DNAH2: variants seen among roughly 807,000 people sequenced by gnomAD.
The protein encoded by DNAH2 is axonemal beta dynein heavy chain 2.
DNAH2 carries 323 observed loss-of-function variants against 523.5 expected under a neutral mutation model. The observed-to-expected ratio is 0.62, with a 90% CI of 0.56 to 0.68. The LOEUF (loss-of-function observed/expected upper bound fraction) is 0.68. Among genes scored for constraint, DNAH2 ranks in the 30% least tolerant of loss-of-function variants. DNAH2 has a pLI of 0.00. For missense variants in DNAH2, 4,907 were observed against 5,701.5 expected (o/e 0.86, Z 4.49); for synonymous variants, 2,093 against 2,177.4 (o/e 0.96, Z 1.08).
chr17:7,830,616 C>T (rs749890785), intron 78 of DNAH2, 42 bp from the exon 79 acceptor site: 1 of 1,611,314 alleles, frequency 6.2e-7, no homozygotes. Flanking sequence ...GATTTCCTGC[C>T]ATAACTCTGG....
At chr17:7,791,029 T>TA (rs557865833) in intron 44 of DNAH2, among the ~76,000 whole-genome samples, 6 of 152,070 alleles carry the variant, frequency 3.9e-5, no homozygotes, top group Admixed American at 3.9e-4. Flanking sequence ...AAGGTACACC[T>TA]TTACCTATAA....
intron 44 of DNAH2, among the ~76,000 whole-genome samples, chr17:7,791,199 G>T (rs527895630): frequency 2.2e-4 from 34 of 152,012 alleles, no homozygotes; most frequent in African/African-American, 8.2e-4. Flanking sequence ...TCAGCCTCCT[G>T]AGTAGCTGGG....
Position 7,798,218 on chromosome 17 carries a change from G to A in DNAH2, c.8292G>A (p.Gly2764=), listed in dbSNP as rs1439318303. The change falls in exon 54 of 86, where the codon GGG becomes GGA. Residue 2764 remains glycine (G), a synonymous_variant. Coordinates refer to ENST00000572933, the MANE Select transcript of DNAH2 (RefSeq NM_020877.5). This position sits in a 1 kb window ranked among gnomAD's most constrained non-coding sequence, Gnocchi z 5.5. ...GCAACATGCTCCTGGTGGGTATCGG[G>A]GGCAGCGGACGCCAGAGTCTGGCCC... The part of the protein sequence containing the change: ...PRGNMLLVGI[G]GSGRQSLARL... 1 of 1,613,628 alleles carries A rather than the reference G, an allele frequency of 6.2e-7. No individual in the cohort carries two copies. Among genetic ancestry groups the A allele is most frequent in the East Asian group, 2.2e-5 (1 of 44,864 alleles).
intron 49 of DNAH2, among the ~76,000 whole-genome samples, chr17:7,794,928 T>C (rs1044362567): frequency 1.1e-4 from 17 of 152,176 alleles, no homozygotes; most frequent in African/African-American, 3.6e-4. Context: ...CTAATTCTTG[T>C]ATTTTCAATA....
chr17:7,787,098 T>A, intron 42 of DNAH2, 65 bp downstream of exon 42: 1 of 1,580,186 alleles, frequency 6.3e-7, no homozygotes. Context: ...GGGCCGGGGC[T>A]GGGGAGGAGA....
At chr17:7,784,425 C>T (rs947438567) in intron 39 of DNAH2, among the ~76,000 whole-genome samples, 1 of 152,036 alleles carries the variant, frequency 6.6e-6, no homozygotes. Context: ...TGCCTGTAGC[C>T]CCAGGACTTT....
chr17:7,735,218 C>T (rs1405170154), intron 7 of DNAH2, among the ~76,000 whole-genome samples: 3 of 152,044 alleles, frequency 2.0e-5, no homozygotes, highest in African/African-American at 7.2e-5. Flanking sequence ...GCAACCTCTG[C>T]CTCCCAGGTT....
In DNAH2 at chr17:7,824,652, C is replaced by A. The variant is rs2077969345; in HGVS notation, c.11778C>A (p.Leu3926=). 6.2e-7 allele frequency: 1 copy of A among 1,607,690 alleles called. No homozygotes were observed. Among genetic ancestry groups the A allele is most frequent in the African/African-American group, 1.3e-5 (1 of 74,736 alleles). ...EDPHPSFRLW[L]SSIPHPDFPI... ...CTCATCCATCCTTCCGCCTCTGGCT[C>A]AGCTCCATCCCCCACCCAGACTTCC... The change falls in exon 77 of 86, where the codon CTC becomes CTA. Residue 3926 remains leucine (L), a synonymous_variant. Transcript: ENST00000572933.
At chr17:7,776,588 C>G (rs1229401973) in intron 31 of DNAH2, among the ~76,000 whole-genome samples, 191 bp from the exon 32 acceptor site, 1 of 152,226 alleles carries the variant, frequency 6.6e-6, no homozygotes, top group African/African-American at 2.4e-5. Context: ...ACCCCCCTTT[C>G]TGAGCTGTGG....
chr17:7,719,078 G>A (rs1046372347), intron 1 of DNAH2, among the ~76,000 whole-genome samples: 12 of 151,490 alleles, frequency 7.9e-5, no homozygotes, highest in East Asian at 5.8e-4. Context: ...CTCATACCCC[G>A]GGGCAGAGAT....
chr17:7,765,127 GT>G (rs568952294), intron 20 of DNAH2, among the ~76,000 whole-genome samples: 8 of 152,228 alleles, frequency 5.3e-5, no homozygotes, highest in South Asian at 4.1e-4. Flanking sequence ...TGCAAAACTC[GT>G]CCCCAGACTC....
intron 39 of DNAH2, among the ~76,000 whole-genome samples, chr17:7,784,063 T>C (rs1246965296): frequency 1.3e-5 from 2 of 152,050 alleles, no homozygotes; most frequent in Middle Eastern, 3.2e-3. Flanking sequence ...AAAAGAAAGC[T>C]AGGGTAGCAA....
rs3744255 is a variant in DNAH2 at position 7,734,471 on chromosome 17, C to T, written c.741C>T (p.Thr247=). ...GAGATTTTGTACTCTCCCCTGCAGC[C>T]TCCATGATCCACTGGACCCGGCAGA... The part of the protein sequence containing the change: ...KDKELVQRLE[T]SMIHWTRQIK... Residue 247 remains threonine, a splice_region_variant and synonymous_variant, in exon 7 of 86, where the codon ACC becomes ACT. Transcript: ENST00000572933. 25,964 of 1,613,722 alleles carry T rather than the reference C, an allele frequency of 0.016. 630 individuals are homozygous for T. Among genetic ancestry groups the T allele is most frequent in the South Asian group, 0.084 (7,611 of 91,040 alleles).
At chr17:7,733,340 A>G (rs767398369) in intron 5 of DNAH2, 25 bp downstream of exon 5, 1 of 1,611,044 alleles carries the variant, frequency 6.2e-7, no homozygotes, top group Non-Finnish European at 8.5e-7. Context: ...CGGAGTGACT[A>G]GTTTCTCCTT....
chr17:7,770,647 GA>G lies in DNAH2; in HGVS notation c.4181+9del, dbSNP rs1367971406. On this transcript the variant is annotated intron_variant, in intron 26 of 85. Coordinates refer to ENST00000572933, the MANE Select transcript of DNAH2 (RefSeq NM_020877.5). ...GGGCCATCATCGGCTCAGGTCAGGGGAGCTGGGGCTCTAGGAGAATGGAGGG... is the reference window on the plus strand; with the variant it reads ...GGGCCATCATCGGCTCAGGTCAGGGGGCTGGGGCTCTAGGAGAATGGAGGG... 6.2e-7 allele frequency: 1 copy of G among 1,614,028 alleles called. No individual in the cohort carries two copies. Among genetic ancestry groups the G allele is most frequent in the African/African-American group, 1.3e-5 (1 of 74,922 alleles).
At chr17:7,792,436 A>C in intron 46 of DNAH2, 93 bp downstream of exon 46, 2 of 1,330,266 alleles carry the variant, frequency 1.5e-6, no homozygotes, top group Non-Finnish European at 2.1e-6. Context: ...AAAATGAGCA[A>C]TAGGAAGGAG....
chr17:7,791,074 T>G (rs1322207182), intron 44 of DNAH2, among the ~76,000 whole-genome samples: 2 of 148,990 alleles, frequency 1.3e-5, no homozygotes, highest in East Asian at 2.0e-4. Context: ...TGTTTTTTGT[T>G]TTTTTTTTTG....
chr17:7,768,128 T>C, intron 23 of DNAH2, 36 bp from the exon 24 acceptor site: 1 of 1,612,106 alleles, frequency 6.2e-7, no homozygotes, highest in Admixed American at 1.7e-5. Flanking sequence ...CCCAGGGAGG[T>C]CGTCGGGTCT....
At chr17:7,819,121 C>T (rs2077777914) in intron 71 of DNAH2, 58 bp downstream of exon 71, 1 of 1,602,608 alleles carries the variant, frequency 6.2e-7, no homozygotes, top group Non-Finnish European at 8.5e-7. Context: ...GCAACTCCAT[C>T]ATGACGGCTC....
Sources: allele counts gnomAD v4.1 joint callset (sites outside exome capture counted in the v4.1 genomes callset), GRCh38; gene constraint gnomAD v4.1.1; non-coding constraint Gnocchi (gnomAD v3.1); transcripts MANE v1.5; gene names NCBI Gene and HGNC (gene_info 2026-07-23, HGNC 2026-07-21).